Variants in WDFY4 observed in about 807,000 individuals in gnomAD.
WDFY4 encodes the protein WDFY family member 4.
In WDFY4, 169 loss-of-function variants were observed where a neutral mutation model predicts 351.9. That is an observed-to-expected ratio of 0.48 (90% confidence interval 0.42 to 0.55). The LOEUF (loss-of-function observed/expected upper bound fraction) is 0.55. WDFY4 is among the 20% of genes least tolerant of loss of function. WDFY4 has a pLI of 0.00. For synonymous variants in WDFY4, 1,622 were observed against 1,574.6 expected (o/e 1.03, Z -0.71); for missense variants, 3,803 against 3,935.6 (o/e 0.97, Z 0.90).
Position 48,820,315 on chromosome 10 carries a change from G to T in WDFY4, c.5587G>T (p.Ala1863Ser). ...EGDSTVEGLQ[A>S]PTKAHPARRK... Reference sequence around the variant, plus strand: ...CGACAGCACAGTGGAGGGTCTCCAGGCTCCCACCAAGGCACATCCCGCCCG... The same window carrying T: ...CGACAGCACAGTGGAGGGTCTCCAGTCTCCCACCAAGGCACATCCCGCCCG... The change falls in exon 33 of 62, where the codon GCT becomes TCT. Residue 1863 changes from alanine to serine, a missense_variant. Around this residue, in one of 3 missense-constraint regions of WDFY4, gnomAD observed 3,054 missense variants for 3,148.6 expected, o/e 0.97. Transcript: ENST00000325239. The T allele has an allele frequency of 6.4e-7, 1 of 1,551,608 alleles. No individual in the cohort carries two copies. The highest frequency in any genetic ancestry group is 8.7e-7 in the Non-Finnish European group (1 of 1,146,982).
Position 48,777,019 on chromosome 10 carries a change from T to C in WDFY4, c.3098+35T>C, listed in dbSNP as rs1282466614. On this transcript the variant is annotated intron_variant, in intron 16 of 61. Coordinates refer to ENST00000325239, the MANE Select transcript of WDFY4 (RefSeq NM_001394531.1). ...GCTTTCACATATTTAAAATGCACTT[T>C]ATTAATTTTGCAGTGCCTCTGATGA... 4 of 1,531,140 alleles carry C rather than the reference T, an allele frequency of 2.6e-6. No individual in the cohort carries two copies. In the East Asian group the frequency reaches 9.8e-5, roughly 38 times the overall value. The allele number at this position is 1,531,140 out of a possible 1,614,324, so 94.8% of individuals were successfully genotyped here. A position where few individuals can be genotyped will look rare whatever the true frequency, so the allele number is the denominator to read the frequency against.
intron 39 of WDFY4, among the ~76,000 whole-genome samples, chr10:48,861,350 G>A (rs2663052): frequency 0.56 from 85,198 of 151,902 alleles, 25,147 homozygotes; most frequent in African/African-American, 0.75. Context: ...TGTTTAAAGA[G>A]CTTCCTTTAA....
chr10:48,876,663 A>T (rs1042551153), intron 42 of WDFY4, among the ~76,000 whole-genome samples: 1 of 152,198 alleles, frequency 6.6e-6, no homozygotes, highest in African/African-American at 2.4e-5. Flanking sequence ...ATATTCAAAG[A>T]GTGAATGAAG....
At chr10:48,938,390 C>A (rs149033596) in intron 47 of WDFY4, among the ~76,000 whole-genome samples, 4 of 152,224 alleles carry the variant, frequency 2.6e-5, no homozygotes, top group African/African-American at 9.6e-5. Context: ...GAGGGTGCAG[C>A]CTTTAGCCAG....
intron 13 of WDFY4, among the ~76,000 whole-genome samples, chr10:48,772,543 C>CTTTTT (rs370554273): frequency 1.2e-5 from 1 of 82,980 alleles, no homozygotes; most frequent in Non-Finnish European, 2.2e-5. Flanking sequence ...TTTGCATTTT[C>CTTTTT]TTTTTTTTTT....
At chr10:48,841,898 A>G (rs1281177320) in intron 39 of WDFY4, among the ~76,000 whole-genome samples, 1 of 152,170 alleles carries the variant, frequency 6.6e-6, no homozygotes, top group East Asian at 1.9e-4. Flanking sequence ...TTTTAAAACA[A>G]TTCTGATTGA....
chr10:48,906,610 T>C (rs1221326803), intron 47 of WDFY4, among the ~76,000 whole-genome samples: 3 of 152,118 alleles, frequency 2.0e-5, no homozygotes, highest in Non-Finnish European at 2.9e-5. Flanking sequence ...ATTTTTGAGA[T>C]GTAAAAAGAC....
At chr10:48,758,277 G>A (rs1236565699) in intron 12 of WDFY4, among the ~76,000 whole-genome samples, 2 of 152,072 alleles carry the variant, frequency 1.3e-5, no homozygotes, top group Non-Finnish European at 2.9e-5. Context: ...GAAAATCCAA[G>A]GTTATTCAAA....
At chr10:48,705,014 T>A (rs1423110571) in intron 1 of WDFY4, among the ~76,000 whole-genome samples, 1 of 152,196 alleles carries the variant, frequency 6.6e-6, no homozygotes, top group African/African-American at 2.4e-5. Flanking sequence ...GAGGCAGGGA[T>A]GGGTCTTGCC....
In WDFY4 at chr10:48,877,195, A is replaced by G. The variant is rs1222490049; in HGVS notation, c.7163A>G (p.Glu2388Gly). Reference sequence around the variant, plus strand: ...ATTTTACAAGAGCTTCTTGATAAAGAAAAGGTAATATACCCCATTGCAATA... The same window carrying G: ...ATTTTACAAGAGCTTCTTGATAAAGGAAAGGTAATATACCCCATTGCAATA... ...QVILQELLDK[E>G]KVTQKFSLVI... Residue 2388 changes from glutamate (E) to glycine (G), a missense_variant, in exon 43 of 62, where the codon GAA becomes GGA. Physicochemically the swap from Glu to Gly is moderately conservative, Grantham distance 98. Coordinates refer to ENST00000325239, the MANE Select transcript of WDFY4 (RefSeq NM_001394531.1). 6.4e-7 allele frequency: 1 copy of G among 1,551,416 alleles called. No homozygotes were observed. The highest frequency in any genetic ancestry group is 1.4e-5 in the African/African-American group (1 of 73,046).
intron 47 of WDFY4, among the ~76,000 whole-genome samples, chr10:48,911,211 C>T (rs894519872): frequency 6.6e-6 from 1 of 152,192 alleles, no homozygotes; most frequent in African/African-American, 2.4e-5. Flanking sequence ...CTCCCCTCAG[C>T]TTCAGAAGGG....
rs1214976776 is a variant in WDFY4, at chr10:48,890,706, G to A, written c.7295G>A (p.Cys2432Tyr). Residue 2432 changes from cysteine to tyrosine, a missense_variant, in exon 44 of 62, where the codon TGT becomes TAT. By Grantham distance (194) the Cys-to-Tyr change is radical. Coordinates refer to ENST00000325239, the MANE Select transcript of WDFY4 (RefSeq NM_001394531.1). ...CTGTCTCCCACGGGTGATGTCTACTGTACCCGTCACTGCTTATCCAAGTGA... is the reference window on the plus strand; with the variant it reads ...CTGTCTCCCACGGGTGATGTCTACTATACCCGTCACTGCTTATCCAAGTGA... The part of the protein sequence containing the change: ...FTLSPTGDVY[C>Y]TRHCLSNISD... The A allele has an allele frequency of 6.4e-7, 1 of 1,551,558 alleles. No individual in the cohort carries two copies. Among genetic ancestry groups the A allele is most frequent in the Non-Finnish European group, 8.7e-7 (1 of 1,146,996 alleles).
intron 40 of WDFY4, among the ~76,000 whole-genome samples, chr10:48,872,762 G>C (rs1007704905): frequency 6.6e-6 from 1 of 152,238 alleles, no homozygotes; most frequent in Non-Finnish European, 1.5e-5. Context: ...TGTAGTAGCA[G>C]ATGTGGCAGT....
At chr10:48,823,807 T>C (rs1589694267) in intron 35 of WDFY4, 1 of 988,704 alleles carries the variant, frequency 1.0e-6, no homozygotes, top group Non-Finnish European at 1.2e-6. Flanking sequence ...CAGCCTCCTC[T>C]CTTGCTTGCT....
chr10:48,901,955 G>C (rs779919352), intron 47 of WDFY4, 92 bp downstream of exon 47: 239 of 1,177,896 alleles, frequency 2.0e-4, no homozygotes, highest in South Asian at 3.0e-4. Context: ...AAGTCTTGCA[G>C]AGAGCATGCC....
intron 39 of WDFY4, among the ~76,000 whole-genome samples, chr10:48,864,413 A>G (rs1261425262): frequency 6.6e-6 from 1 of 151,944 alleles, no homozygotes; most frequent in Non-Finnish European, 1.5e-5. Flanking sequence ...TTATTTTTGG[A>G]CTCTCAATTT....
At chr10:48,974,779 C>T in intron 57 of WDFY4, 83 bp from the exon 58 acceptor site, 1 of 1,377,620 alleles carries the variant, frequency 7.3e-7, no homozygotes, top group South Asian at 1.5e-5. Flanking sequence ...CATCCAGCAC[C>T]CAGCTTTATA....
intron 53 of WDFY4, among the ~76,000 whole-genome samples, chr10:48,960,330 C>G (rs1422094561): frequency 6.6e-6 from 1 of 152,152 alleles, no homozygotes; most frequent in African/African-American, 2.4e-5. Flanking sequence ...TCATTGGTCA[C>G]CAGGGAGAAA....
intron 44 of WDFY4, among the ~76,000 whole-genome samples, chr10:48,894,384 T>C (rs775545354): frequency 2.6e-5 from 4 of 152,140 alleles, no homozygotes; most frequent in Admixed American, 6.5e-5. Flanking sequence ...AAAGGCACTA[T>C]TGAAAGAGCA....
Sources: allele counts gnomAD v4.1 joint callset (sites outside exome capture counted in the v4.1 genomes callset), GRCh38; gene constraint gnomAD v4.1.1; regional missense constraint gnomAD v4.1.1; transcripts MANE v1.5; gene names NCBI Gene and HGNC (gene_info 2026-07-23, HGNC 2026-07-21).